The following FNDC3B variants were observed in gnomAD, a reference collection of about 807,000 sequenced individuals.
The protein encoded by FNDC3B is fibronectin type III domain containing 3B, also known as fibronectin type III domain-containing protein 3B.
In FNDC3B, 12 loss-of-function variants were observed where a neutral mutation model predicts 151.5. The observed-to-expected ratio is 0.08, with a 90% CI of 0.05 to 0.13. The LOEUF (loss-of-function observed/expected upper bound fraction) is 0.13. Among genes scored for constraint, FNDC3B ranks in the 10% least tolerant of loss-of-function variants. FNDC3B has a pLI of 1.00. For synonymous variants in FNDC3B, 528 were observed against 549.0 expected (o/e 0.96, Z 0.54); for missense variants, 1,214 against 1,505.3 (o/e 0.81, Z 3.20).
At chr3:172,279,673 A>G (rs4894413) in intron 6 of FNDC3B, among the ~76,000 whole-genome samples, 74,318 of 152,024 alleles carry the variant, frequency 0.49, 19,795 homozygotes, top group African/African-American at 0.72. Context: ...CATTGTCCTT[A>G]TATTATGCAA....
intron 21 of FNDC3B, among the ~76,000 whole-genome samples, chr3:172,347,849 T>C (rs1249209808): frequency 6.6e-6 from 1 of 152,230 alleles, no homozygotes; most frequent in Non-Finnish European, 1.5e-5. Context: ...GTGACGGTTA[T>C]CAAGGCTGGT....
chr3:172,072,267 T>C (rs900929721), intron 1 of FNDC3B, among the ~76,000 whole-genome samples: 3 of 151,472 alleles, frequency 2.0e-5, no homozygotes, highest in African/African-American at 7.3e-5. Flanking sequence ...AATAGTTACA[T>C]GTAGCTAGTG....
intron 22 of FNDC3B, among the ~76,000 whole-genome samples, chr3:172,358,364 GTAGTGCA>G (rs1036498075): frequency 2.2e-4 from 33 of 152,238 alleles, no homozygotes; most frequent in African/African-American, 8.0e-4. Flanking sequence ...TTCCCACTCT[GTAGTGCA>G]TTTTCTGGAA....
intron 1 of FNDC3B, among the ~76,000 whole-genome samples, chr3:172,109,742 C>A (rs1479851196): frequency 6.6e-6 from 1 of 152,208 alleles, no homozygotes; most frequent in Non-Finnish European, 1.5e-5. Context: ...CTAGTAACCA[C>A]TGAACACTGT....
At chr3:172,133,621 G>A in intron 3 of FNDC3B, 75 bp downstream of exon 3, 1 of 1,007,142 alleles carries the variant, frequency 9.9e-7, no homozygotes, top group Non-Finnish European at 1.6e-6. Context: ...TTTTCTGTGT[G>A]TGTCTGCATG....
At chr3:172,330,783 C>T (rs1263343122) in intron 13 of FNDC3B, 68 bp downstream of exon 13, 5 of 1,262,674 alleles carry the variant, frequency 4.0e-6, no homozygotes, top group African/African-American at 1.5e-5. Context: ...CTACAGGGCA[C>T]CATGAAATTA....
At position 172,091,873 on chromosome 3, in the gene FNDC3B, G is replaced by GGTGTGTGTGTGTGTGTGTGTGT. The variant is rs377450281; in HGVS notation, c.-28-20564_-28-20543dup. ...ACTCACAGTGCCCTGACTTTACTGGGGTGTGTGTGTGTGTGTGTGTGTGTG... is the reference window on the plus strand; with the variant it reads ...ACTCACAGTGCCCTGACTTTACTGGGGTGTGTGTGTGTGTGTGTGTGTGTGTGTGTGTGTGTGTGTGTGTGTG... On this transcript the variant is annotated intron_variant, in intron 1 of 25. Coordinates refer to ENST00000415807, the MANE Select transcript of FNDC3B (RefSeq NM_022763.4). 6.9e-4 allele frequency among the ~76,000 whole-genome samples: 86 copies of GGTGTGTGTGTGTGTGTGTGTGT among 124,814 alleles called. 1 individual carries two copies. The highest frequency in any genetic ancestry group is 9.3e-4 in the Non-Finnish European group (57 of 61,212). 81.9% of individuals were successfully genotyped at this position (124,814 alleles called of 152,430 possible). A position where few individuals can be genotyped will look rare whatever the true frequency, so the allele number is the denominator to read the frequency against.
chr3:172,135,005 TCA>T (rs769807978), intron 3 of FNDC3B, among the ~76,000 whole-genome samples: 58 of 148,020 alleles, frequency 3.9e-4, no homozygotes, highest in Non-Finnish European at 7.9e-4. Flanking sequence ...AAAAAAAAAA[TCA>T]CACTAGAAAA....
At chr3:172,151,171 G>A (rs940299269) in intron 3 of FNDC3B, among the ~76,000 whole-genome samples, 1 of 152,120 alleles carries the variant, frequency 6.6e-6, no homozygotes, top group African/African-American at 2.4e-5. Context: ...GTGTGCATAT[G>A]TATGCATATT....
intron 2 of FNDC3B, among the ~76,000 whole-genome samples, chr3:172,131,524 C>A (rs1221714349): frequency 6.6e-6 from 1 of 152,004 alleles, no homozygotes. Context: ...CAAAGATTAT[C>A]TACAGTTATT....
intron 11 of FNDC3B, among the ~76,000 whole-genome samples, chr3:172,311,682 C>T (rs968976805): frequency 4.1e-5 from 6 of 146,596 alleles, no homozygotes; most frequent in Admixed American, 2.1e-4. Context: ...CTGGCTAACA[C>T]GATGAAACAC....
At chr3:172,139,121 GGACC>G (rs2108582405) in intron 3 of FNDC3B, among the ~76,000 whole-genome samples, 1 of 152,118 alleles carries the variant, frequency 6.6e-6, no homozygotes. Flanking sequence ...AATGTCACAG[GGACC>G]TTAATGTTAC....
At chr3:172,065,339 A>G (rs1045626411) in intron 1 of FNDC3B, among the ~76,000 whole-genome samples, 11 of 152,146 alleles carry the variant, frequency 7.2e-5, no homozygotes, top group Non-Finnish European at 2.9e-5. Context: ...CTCAAAAGAA[A>G]AAAAATTTTT....
At chr3:172,228,019 G>A (rs1180555245) in intron 4 of FNDC3B, among the ~76,000 whole-genome samples, 1 of 152,118 alleles carries the variant, frequency 6.6e-6, no homozygotes, top group Non-Finnish European at 1.5e-5. Context: ...GCATATTGCA[G>A]CCACTATAAT....
chr3:172,130,990 A>AT (rs1263157538), intron 2 of FNDC3B, among the ~76,000 whole-genome samples: 1 of 152,158 alleles, frequency 6.6e-6, no homozygotes, highest in Non-Finnish European at 1.5e-5. Context: ...GACATGGATA[A>AT]TTGTCTGTAT....
intron 9 of FNDC3B, among the ~76,000 whole-genome samples, chr3:172,301,109 G>A (rs930813892): frequency 6.6e-6 from 1 of 152,134 alleles, no homozygotes; most frequent in Non-Finnish European, 1.5e-5. Context: ...CTTTGGTCTC[G>A]CTTTGTCATG....
rs550648651 is a variant in FNDC3B at position 172,147,285 on chromosome 3, G to A, written c.187+13739G>A. 4.9e-5 allele frequency among the ~76,000 whole-genome samples: 7 copies of A among 143,774 alleles called. No individual in the cohort carries two copies. The East Asian group carries it at 6.1e-4, about 12-fold the overall frequency. The allele number at this position is 143,774 out of a possible 152,430, so 94.3% of individuals were successfully genotyped here. A position where few individuals can be genotyped will look rare whatever the true frequency, so the allele number is the denominator to read the frequency against. ...TTGCAACATTGTACTCGAGCCTGGC[G>A]ACAGAGTGAGACCCTGTCTCCAAAC... On this transcript the variant is annotated intron_variant, in intron 3 of 25. Coordinates refer to ENST00000415807, the MANE Select transcript of FNDC3B (RefSeq NM_022763.4).
At chr3:172,323,348 G>GA (rs1732184261) in intron 11 of FNDC3B, among the ~76,000 whole-genome samples, 1 of 151,862 alleles carries the variant, frequency 6.6e-6, no homozygotes. Context: ...CTACCAAAAA[G>GA]AAAAAAATTG....
chr3:172,132,687 C>T (rs1001558795), intron 2 of FNDC3B, among the ~76,000 whole-genome samples: 13 of 152,238 alleles, frequency 8.5e-5, no homozygotes, highest in African/African-American at 2.4e-4. Flanking sequence ...CGTGAGCCAC[C>T]GTGCCCAGCC....
Sources: gnomAD v4.1 joint callset for allele counts (sites outside exome capture counted in the v4.1 genomes callset) on GRCh38, gnomAD v4.1.1 for gene constraint, MANE v1.5 for transcripts, NCBI Gene and HGNC (gene_info 2026-07-23, HGNC 2026-07-21) for gene names.